Variants in VPS33B observed in about 807,000 individuals in gnomAD.
VPS33B encodes vacuolar protein sorting-associated protein 33B.
A neutral mutation model predicts 95.3 loss-of-function variants in VPS33B; 80 were observed. The observed-to-expected ratio is 0.84, with a 90% CI of 0.70 to 1.01. The LOEUF (loss-of-function observed/expected upper bound fraction) is 1.01, where lower values mean the gene tolerates loss of function less well. Ranked by LOEUF, VPS33B falls within the 50% of genes least tolerant of loss-of-function variation. The pLI, the probability that VPS33B is intolerant of heterozygous loss-of-function variation, is 0.00. For missense variants in VPS33B, 715 were observed against 773.4 expected (o/e 0.92, Z 0.90); for synonymous variants, 280 against 280.4 (o/e 1.00, Z 0.01).
Position 91,005,204 on chromosome 15 carries a change from C to T in VPS33B, c.1106-85G>A, listed in dbSNP as rs2040565291. 1 of 1,612,704 alleles carries T rather than the reference C, an allele frequency of 6.2e-7. No individual in the cohort carries two copies. The highest frequency in any genetic ancestry group is 8.5e-7 in the Non-Finnish European group (1 of 1,179,778). Reference sequence around the variant, plus strand: ...CTAACAGGTGTCTGTCTCCCCATCTCTTTCTCCATCCTTGGGGTGGGTTAA... The same window carrying T: ...CTAACAGGTGTCTGTCTCCCCATCTTTTTCTCCATCCTTGGGGTGGGTTAA... On this transcript the variant is annotated intron_variant, in intron 14 of 22. Coordinates refer to ENST00000333371, the MANE Select transcript of VPS33B (RefSeq NM_018668.5). This position sits in a 1 kb window ranked among gnomAD's most constrained non-coding sequence, Gnocchi z 6.4.
chr15:91,005,998 G>C lies in VPS33B; in HGVS notation c.914C>G (p.Ala305Gly). The C allele has an allele frequency of 6.2e-7, 1 of 1,614,184 alleles. No individual in the cohort carries two copies. Among genetic ancestry groups the C allele is most frequent in the South Asian group, 1.1e-5 (1 of 91,076 alleles). The change falls in exon 12 of 23, where the codon GCC becomes GGC. Residue 305 changes from alanine (A) to glycine (G), a missense_variant. Coordinates refer to ENST00000333371, the MANE Select transcript of VPS33B (RefSeq NM_018668.5). This position sits in a 1 kb window ranked among gnomAD's most constrained non-coding sequence, Gnocchi z 6.4. ...SNVFGFLSQK[A>G]RNLQAQYDRR... is the part of the protein sequence containing the mutation. ...ATCATACTGGGCCTGCAAGTTCCGGGCCTTCTGGCTCAAGAAGCCAAAGAC... is the reference window on the plus strand; with the variant it reads ...ATCATACTGGGCCTGCAAGTTCCGGCCCTTCTGGCTCAAGAAGCCAAAGAC...
rs2040587562 is a variant in VPS33B, at chr15:91,005,853, G to GCCAT, written c.940-73_940-70dup. 6.2e-7 allele frequency: 1 copy of GCCAT among 1,608,184 alleles called. No homozygotes were observed. Among genetic ancestry groups the GCCAT allele is most frequent in the Non-Finnish European group, 8.5e-7 (1 of 1,174,948 alleles). On this transcript the variant is annotated intron_variant, in intron 12 of 22. Coordinates refer to ENST00000333371, the MANE Select transcript of VPS33B (RefSeq NM_018668.5). The surrounding 1 kb of genome is among the most constrained non-coding windows in gnomAD (Gnocchi z 6.4). ...GAGAAACCACCACCCTCCCTCAGTT[G>GCCAT]CCATCCATCCATGAGAAAGGACAGG...
chr15:90,998,849 C>T lies in VPS33B; in HGVS notation c.*126G>A, dbSNP rs747566500. Reference sequence around the variant, plus strand: ...AGATAATGTTCTCTAAATCCCAACACGTTCCATGCTCCCGGCTCTTAGCAG... The same window carrying T: ...AGATAATGTTCTCTAAATCCCAACATGTTCCATGCTCCCGGCTCTTAGCAG... On this transcript the variant is annotated 3_prime_UTR_variant, in exon 23 of 23. Transcript: ENST00000333371. This position sits in a 1 kb window ranked among gnomAD's most constrained non-coding sequence, Gnocchi z 4.8. 2.5e-5 allele frequency: 24 copies of T among 949,172 alleles called. No homozygotes were observed. The highest frequency in any genetic ancestry group is 3.5e-5 in the Non-Finnish European group (21 of 595,548). The allele number at this position is 949,172 out of a possible 1,614,324, so 58.8% of individuals were successfully genotyped here. A position where few individuals can be genotyped will look rare whatever the true frequency, so the allele number is the denominator to read the frequency against.
At chr15:91,008,665 A>G (rs2040686618) in intron 6 of VPS33B, among the ~76,000 whole-genome samples, 1 of 152,198 alleles carries the variant, frequency 6.6e-6, no homozygotes, top group Non-Finnish European at 1.5e-5. Context: ...CATGCTCCCA[A>G]CCTTCTGGAG....
chr15:91,013,673 T>C lies in VPS33B; in HGVS notation c.357+131A>G. 1 of 925,868 alleles carries C rather than the reference T, an allele frequency of 1.1e-6. No homozygotes were observed. The highest frequency in any genetic ancestry group is 1.8e-6 in the Non-Finnish European group (1 of 565,120). The allele number at this position is 925,868 out of a possible 1,614,324, so 57.4% of individuals were successfully genotyped here. A position where few individuals can be genotyped will look rare whatever the true frequency, so the allele number is the denominator to read the frequency against. ...AAATTTCTGTTCATTATAAATTACC[T>C]AGTCTCAGGTATTCTGTTACAGCAA... On this transcript the variant is annotated intron_variant, in intron 5 of 22. Transcript: ENST00000333371. This position sits in a 1 kb window ranked among gnomAD's most constrained non-coding sequence, Gnocchi z 4.5.
Position 91,013,460 on chromosome 15 carries a change from G to A in VPS33B, c.357+344C>T, listed in dbSNP as rs2040835866. Among the ~76,000 whole-genome samples the A allele has an allele frequency of 6.6e-6, 1 of 152,094 alleles. No homozygotes were observed. Among genetic ancestry groups the A allele is most frequent in the Non-Finnish European group, 1.5e-5 (1 of 68,016 alleles). On this transcript the variant is annotated intron_variant, in intron 5 of 22. Transcript: ENST00000333371. The surrounding 1 kb of genome is among the most constrained non-coding windows in gnomAD (Gnocchi z 4.5). ...AACAGGTGATTGGGTTATGAGGGAG[G>A]AGTCCTCATGAATGGATTAATGTCC...
rs977026766 is a variant in VPS33B, at chr15:91,000,549, C to G, written c.1522G>C (p.Asp508His). The stretch of plus-strand genomic sequence containing the variant: ...GCACCACCGAAGACGTAAGCCATGT[C>G]TCGGGGCACTTTCAGATCATACTCG... ...DGEYDLKVPR[D>H]MAYVFGGAYV... The change falls in exon 20 of 23, where the codon GAC becomes CAC. Residue 508 changes from aspartate to histidine, a missense_variant. Transcript: ENST00000333371. This position sits in a 1 kb window ranked among gnomAD's most constrained non-coding sequence, Gnocchi z 4.9. 2 of 1,613,650 alleles carry G rather than the reference C, an allele frequency of 1.2e-6. No homozygotes were observed. Among genetic ancestry groups the G allele is most frequent in the Admixed American group, 3.3e-5 (2 of 59,994 alleles).
At chr15:91,001,906 G>C in intron 18 of VPS33B, 144 bp downstream of exon 18, 1 of 1,328,086 alleles carries the variant, frequency 7.5e-7, no homozygotes, top group Non-Finnish European at 1.1e-6. Flanking sequence ...CTTACTAGCA[G>C]AAGTAGTAGT....
chr15:90,999,076 C>T lies in VPS33B; in HGVS notation c.1775-22G>A. The T allele has an allele frequency of 6.2e-7, 1 of 1,612,948 alleles. No individual in the cohort carries two copies. The highest frequency in any genetic ancestry group is 1.3e-5 in the African/African-American group (1 of 75,028). ...TAGCCTAAGGAGTCAAATGCAGCAGCAGAAGAGACAGCACAGATCTTAGGC... is the reference window on the plus strand; with the variant it reads ...TAGCCTAAGGAGTCAAATGCAGCAGTAGAAGAGACAGCACAGATCTTAGGC... On this transcript the variant is annotated intron_variant, in intron 22 of 22. Coordinates refer to ENST00000333371, the MANE Select transcript of VPS33B (RefSeq NM_018668.5). This position sits in a 1 kb window ranked among gnomAD's most constrained non-coding sequence, Gnocchi z 5.1.
chr15:91,016,162 G>A (rs2040917332), intron 3 of VPS33B, among the ~76,000 whole-genome samples: 1 of 152,062 alleles, frequency 6.6e-6, no homozygotes, highest in African/African-American at 2.4e-5. Flanking sequence ...GTGAGGACAG[G>A]AGAGAATTTC....
intron 1 of VPS33B, among the ~76,000 whole-genome samples, chr15:91,019,023 C>T (rs906554135): frequency 4.7e-5 from 7 of 150,404 alleles, no homozygotes; most frequent in African/African-American, 1.7e-4. Flanking sequence ...CCATCTTGGC[C>T]AGGCTGGTCT....
chr15:91,009,624 C>T lies in VPS33B; in HGVS notation c.403+177G>A, dbSNP rs532089489. On this transcript the variant is annotated intron_variant, in intron 6 of 22. Transcript: ENST00000333371. The surrounding 1 kb of genome is among the most constrained non-coding windows in gnomAD (Gnocchi z 4.1). ...CCCAGCCCCCAGTAGTGTTCTAATT[C>T]GTGGTCCTATTCCCATTCCCATTCT... Among the ~76,000 whole-genome samples, 5 of 143,832 alleles carry T rather than the reference C, an allele frequency of 3.5e-5. No homozygotes were observed. In the South Asian group the frequency reaches 6.8e-4, roughly 20 times the overall value. 94.4% of individuals were successfully genotyped at this position (143,832 alleles called of 152,430 possible).
At position 91,005,063 on chromosome 15, in the gene VPS33B, C is replaced by T; in HGVS notation, c.1162G>A (p.Asp388Asn). The T allele has an allele frequency of 6.2e-7, 1 of 1,614,264 alleles. No individual in the cohort carries two copies. The highest frequency in any genetic ancestry group is 1.6e-4 in the Middle Eastern group (1 of 6,062). The change falls in exon 15 of 23, where the codon GAC (aspartate) becomes AAC (asparagine). Residue 388 changes from aspartate to asparagine, a missense_variant. Physicochemically the swap from Asp to Asn is conservative, Grantham distance 23. Transcript: ENST00000333371. This position sits in a 1 kb window ranked among gnomAD's most constrained non-coding sequence, Gnocchi z 6.4. ...GCCCTCCACCTGCGCACCTGCCGGT[C>T]TATGTGTTCCTCAATGTAGCTGGTG... ...ESTSYIEEHI[D>N]RQVSPIESLR... is the part of the protein sequence containing the mutation.
intron 4 of VPS33B, among the ~76,000 whole-genome samples, chr15:91,014,093 C>T (rs2040854204): frequency 6.6e-6 from 1 of 152,032 alleles, no homozygotes; most frequent in African/African-American, 2.4e-5. Context: ...GTGGTGGGCA[C>T]CTGTAATCCC....
chr15:91,015,542 A>T lies in VPS33B; in HGVS notation c.240-1109T>A, dbSNP rs71409379. Among the ~76,000 whole-genome samples, 21,113 of 151,806 alleles carry T rather than the reference A, an allele frequency of 0.14. 1,860 individuals are homozygous for T. Among genetic ancestry groups the T allele is most frequent in the African/African-American group, 0.25 (10,272 of 41,402 alleles). On this transcript the variant is annotated intron_variant, in intron 3 of 22. Transcript: ENST00000333371. The surrounding 1 kb of genome is among the most constrained non-coding windows in gnomAD (Gnocchi z 4.7). ...TAAAAATACAAAAATTAGCTGGGCAAGGTGGCAGGCGCCTGTAATCACAGC... is the reference window on the plus strand; with the variant it reads ...TAAAAATACAAAAATTAGCTGGGCATGGTGGCAGGCGCCTGTAATCACAGC...
chr15:91,003,149 AAGAC>A lies in VPS33B; in HGVS notation c.1226-22_1226-19del, dbSNP rs887055635. On this transcript the variant is annotated intron_variant, in intron 16 of 22. Coordinates refer to ENST00000333371, the MANE Select transcript of VPS33B (RefSeq NM_018668.5). ...GATCAAACCTAAGAGTGAAGAAAAT[AAGAC>A]AGGTGCATGAGAAAGAGGCCGGCAG... 1.9e-6 allele frequency: 3 copies of A among 1,614,018 alleles called. No individual in the cohort carries two copies. In the African/African-American group the frequency reaches 4.0e-5, roughly 22 times the overall value.
At position 90,999,126 on chromosome 15, in the gene VPS33B, T is replaced by G; in HGVS notation, c.1775-72A>C. ...CCCCAACGGCAACCCATAGAGCCTC[T>G]CCAGTTCCACAGTCCCCACGGGATC... On this transcript the variant is annotated intron_variant, in intron 22 of 22. Transcript: ENST00000333371. The surrounding 1 kb of genome is among the most constrained non-coding windows in gnomAD (Gnocchi z 5.1). 2 of 1,434,898 alleles carry G rather than the reference T, an allele frequency of 1.4e-6. No homozygotes were observed. The highest frequency in any genetic ancestry group is 2.0e-6 in the Non-Finnish European group (2 of 1,025,506). 88.9% of individuals were successfully genotyped at this position (1,434,898 alleles called of 1,614,324 possible).
chr15:91,018,175 AC>A lies in VPS33B; in HGVS notation c.97-291del, dbSNP rs2040997613. On this transcript the variant is annotated intron_variant, in intron 1 of 22. Coordinates refer to ENST00000333371, the MANE Select transcript of VPS33B (RefSeq NM_018668.5). The surrounding 1 kb of genome is among the most constrained non-coding windows in gnomAD (Gnocchi z 4.7). ...CTGCTCACCTGTGACCTTGGTCTGCACCTCACTCCCCTTCTCTGCTGCCTCC... is the reference window on the plus strand; with the variant it reads ...CTGCTCACCTGTGACCTTGGTCTGCACTCACTCCCCTTCTCTGCTGCCTCC... 2.2e-6 allele frequency: 1 copy of A among 445,014 alleles called. No individual in the cohort carries two copies. Among genetic ancestry groups the A allele is most frequent in the Non-Finnish European group, 4.2e-6 (1 of 238,612 alleles). The allele number at this position is 445,014 out of a possible 1,614,324, so 27.6% of individuals were successfully genotyped here. A position where few individuals can be genotyped will look rare whatever the true frequency, so the allele number is the denominator to read the frequency against.
At position 91,014,219 on chromosome 15, in the gene VPS33B, CA is replaced by C. The variant is rs61232231; in HGVS notation, c.289+164del. ...GGGCAACAAGAGTGAAACTCCGTCT[CA>C]AAAAAAAAAAAAAAAAAAAAAAGAA... On this transcript the variant is annotated intron_variant, in intron 4 of 22. Coordinates refer to ENST00000333371, the MANE Select transcript of VPS33B (RefSeq NM_018668.5). Among the ~76,000 whole-genome samples the C allele has an allele frequency of 0.16, 9,669 of 59,792 alleles. 248 individuals carry two copies. Among genetic ancestry groups the C allele is most frequent in the African/African-American group, 0.22 (3,803 of 17,486 alleles). 39.2% of individuals were successfully genotyped at this position (59,792 alleles called of 152,430 possible).
Sources: allele counts gnomAD v4.1 joint callset (sites outside exome capture counted in the v4.1 genomes callset), GRCh38; gene constraint gnomAD v4.1.1; non-coding constraint Gnocchi (gnomAD v3.1); transcripts MANE v1.5; gene names NCBI Gene and HGNC (gene_info 2026-07-23, HGNC 2026-07-21).